PTPN13: variants seen among roughly 807,000 people sequenced by gnomAD.
The protein encoded by PTPN13 is protein tyrosine phosphatase non-receptor type 13.
In PTPN13, 191 loss-of-function variants were observed where a neutral mutation model predicts 284.0. The ratio of observed to expected loss-of-function variants is 0.67; its 90% confidence interval spans 0.60 to 0.76. The LOEUF (loss-of-function observed/expected upper bound fraction) is 0.76, where lower values mean the gene tolerates loss of function less well. Ranked by LOEUF, PTPN13 falls within the 30% of genes least tolerant of loss-of-function variation. PTPN13 has a pLI of 0.00. For synonymous variants in PTPN13, 986 were observed against 1,022.3 expected (o/e 0.96, Z 0.68); for missense variants, 2,797 against 2,939.9 (o/e 0.95, Z 1.12).
chr4:86,800,012 GT>G (rs1227811729), intron 42 of PTPN13, among the ~76,000 whole-genome samples: 1 of 150,094 alleles, frequency 6.7e-6, no homozygotes, highest in African/African-American at 2.4e-5. Flanking sequence ...TATTTTTTCT[GT>G]TTTTAGTAGA....
intron 45 of PTPN13, 127 bp from the exon 46 acceptor site, chr4:86,809,642 G>T: frequency 1.2e-6 from 1 of 805,866 alleles, no homozygotes; most frequent in Non-Finnish European, 2.0e-6. Flanking sequence ...AGTGAGCCGA[G>T]ATTGCACCAC....
At chr4:86,595,642 C>A in intron 1 of PTPN13, 1 of 502,218 alleles carries the variant, frequency 2.0e-6, no homozygotes, top group Non-Finnish European at 2.6e-6. Context: ...CATTTAATTG[C>A]ATCTTTGAAA....
At chr4:86,612,226 C>T (rs554048307) in intron 1 of PTPN13, among the ~76,000 whole-genome samples, 4 of 151,994 alleles carry the variant, frequency 2.6e-5, no homozygotes, top group South Asian at 2.1e-4. Flanking sequence ...ATATAGCATC[C>T]GGTAATTTTC....
In PTPN13 at chr4:86,769,977, T is replaced by G. The variant is rs776166127; in HGVS notation, c.4698T>G (p.Ser1566=). 17 of 1,613,724 alleles carry G rather than the reference T, an allele frequency of 1.1e-5. No individual in the cohort carries two copies. The highest frequency in any genetic ancestry group is 1.4e-5 in the Non-Finnish European group (17 of 1,179,798). The change falls in exon 29 of 48, where the codon TCT becomes TCG. Residue 1566 remains serine (S), a synonymous_variant. Transcript: ENST00000411767. ...KVNGASLKGL[S]QQEVISALRG... ...ATGGAGCCTCTTTGAAAGGACTATC[T>G]CAGCAGGTGAGCCCCTAGCATGTGG...
intron 1 of PTPN13, among the ~76,000 whole-genome samples, chr4:86,621,165 G>A (rs1721189511): frequency 6.6e-6 from 1 of 152,182 alleles, no homozygotes; most frequent in Non-Finnish European, 1.5e-5. Flanking sequence ...CACACTGCAG[G>A]CTGTGAATGT....
chr4:86,669,451 G>T (rs1727490465), intron 2 of PTPN13, among the ~76,000 whole-genome samples: 1 of 151,716 alleles, frequency 6.6e-6, no homozygotes, highest in Non-Finnish European at 1.5e-5. Flanking sequence ...CTATAAATAA[G>T]TATGATTATA....
At chr4:86,794,752 C>T (rs894298061) in intron 40 of PTPN13, among the ~76,000 whole-genome samples, 1 of 152,186 alleles carries the variant, frequency 6.6e-6, no homozygotes, top group African/African-American at 2.4e-5. Flanking sequence ...TACCCATCTA[C>T]AGCCATCTGA....
chr4:86,808,022 GCAAT>G, intron 45 of PTPN13, 125 bp downstream of exon 45: 10 of 802,036 alleles, frequency 1.2e-5, no homozygotes, highest in Non-Finnish European at 1.6e-5. Flanking sequence ...TAGTTCCCAT[GCAAT>G]GGAACTAATG....
chr4:86,737,712 G>A (rs951288654), intron 15 of PTPN13, among the ~76,000 whole-genome samples: 2 of 151,518 alleles, frequency 1.3e-5, no homozygotes, highest in Non-Finnish European at 2.9e-5. Flanking sequence ...TTTATGTCTG[G>A]CTTCTTTCAC....
At chr4:86,683,818 G>A (rs981149639) in intron 3 of PTPN13, among the ~76,000 whole-genome samples, 5 of 152,012 alleles carry the variant, frequency 3.3e-5, no homozygotes, top group African/African-American at 1.2e-4. Flanking sequence ...TTAAAGCATG[G>A]GCCATATCTC....
At chr4:86,749,996 C>G (rs17012042) in intron 17 of PTPN13, among the ~76,000 whole-genome samples, 1 of 152,196 alleles carries the variant, frequency 6.6e-6, no homozygotes, top group African/African-American at 2.4e-5. Flanking sequence ...TAAAAACTGT[C>G]TGGGCAAAAC....
chr4:86,663,563 T>C (rs934837673), intron 2 of PTPN13, among the ~76,000 whole-genome samples: 2 of 152,210 alleles, frequency 1.3e-5, no homozygotes, highest in African/African-American at 4.8e-5. Flanking sequence ...GAGAGTGACC[T>C]TCCTGCTTCC....
Position 86,745,082 on chromosome 4 carries a change from G to C in PTPN13, c.2604G>C (p.Gln868His). Reference sequence around the variant, plus strand: ...TCTGCTCTTACCAGCATAAGTTCCAGCTACAGATGAGAGCAAGACAGAGCA... The same window carrying C: ...TCTGCTCTTACCAGCATAAGTTCCACCTACAGATGAGAGCAAGACAGAGCA... ...LHLCSYQHKF[Q>H]LQMRARQSNQ... Residue 868 changes from glutamine (Q) to histidine (H), a missense_variant, in exon 17 of 48, where the codon CAG becomes CAC. Transcript: ENST00000411767. 6.2e-7 allele frequency: 1 copy of C among 1,613,066 alleles called. No homozygotes were observed. Among genetic ancestry groups the C allele is most frequent in the Non-Finnish European group, 8.5e-7 (1 of 1,179,564 alleles).
intron 20 of PTPN13, among the ~76,000 whole-genome samples, chr4:86,753,446 A>G (rs1737619878): frequency 6.6e-6 from 1 of 152,136 alleles, no homozygotes; most frequent in Admixed American, 6.6e-5. Flanking sequence ...TCAAGGGCAT[A>G]GCATGGTCAG....
intron 2 of PTPN13, among the ~76,000 whole-genome samples, chr4:86,636,180 G>A (rs1722996511): frequency 6.6e-6 from 1 of 151,832 alleles, no homozygotes. Context: ...AGAGGGAGGG[G>A]AAAAAAATCT....
Position 86,803,858 on chromosome 4 carries a change from G to A in PTPN13, c.6654+1G>A, listed in dbSNP as rs766327691. The A allele has an allele frequency of 1.6e-5, 25 of 1,612,596 alleles. No homozygotes were observed. On this transcript the variant is annotated splice_donor_variant, in intron 43 of 47. Transcript: ENST00000411767. LOFTEE classifies it high-confidence loss of function. ...AGGAATTCCTTCTAAGGAGCTGGAGGTAAGTGGCTTCTGCCAATGATTCTC... is the reference window on the plus strand; with the variant it reads ...AGGAATTCCTTCTAAGGAGCTGGAGATAAGTGGCTTCTGCCAATGATTCTC...
rs756578088 is a variant in PTPN13 at position 86,701,418 on chromosome 4, C to G, written c.812C>G (p.Thr271Arg). 6.2e-7 allele frequency: 1 copy of G among 1,613,694 alleles called. No homozygotes were observed. Among genetic ancestry groups the G allele is most frequent in the Non-Finnish European group, 8.5e-7 (1 of 1,179,730 alleles). The change falls in exon 7 of 48, where the codon ACA becomes AGA. Residue 271 changes from threonine to arginine, a missense_variant. Transcript: ENST00000411767. ...TCTGGACGTGAAGATTCTGAAAATA[C>G]ATTCTCCCCTTACCAGTTCAAAACT... ...DNSGREDSEN[T>R]FSPYQFKTSG...
intron 28 of PTPN13, among the ~76,000 whole-genome samples, chr4:86,768,656 A>G (rs544996949): frequency 6.6e-6 from 1 of 152,170 alleles, no homozygotes; most frequent in African/African-American, 2.4e-5. Flanking sequence ...ATATGAAAAT[A>G]AAATTAATGT....
intron 10 of PTPN13, among the ~76,000 whole-genome samples, chr4:86,728,709 T>A (rs1212663493): frequency 6.1e-5 from 8 of 132,224 alleles, no homozygotes; most frequent in Admixed American, 4.7e-4. Context: ...TCTTCCTATG[T>A]CCCTTTATTT....
Sources: allele counts gnomAD v4.1 joint callset (sites outside exome capture counted in the v4.1 genomes callset), GRCh38; gene constraint gnomAD v4.1.1; transcripts MANE v1.5; gene names NCBI Gene and HGNC (gene_info 2026-07-23, HGNC 2026-07-21).